The following TMC1 variants were observed in gnomAD, a reference collection of about 807,000 sequenced individuals.
The protein encoded by TMC1 is transmembrane channel-like protein 1.
In TMC1, 84 loss-of-function variants were observed where a neutral mutation model predicts 105.8. The ratio of observed to expected loss-of-function variants is 0.79; its 90% CI spans 0.67 to 0.95. The LOEUF is 0.95. TMC1 is among the 40% of genes least tolerant of loss of function. TMC1 has a pLI of 0.00. For synonymous variants in TMC1, 315 were observed against 311.5 expected, an observed-to-expected ratio of 1.01 and a Z score of -0.12; for missense variants, 817 against 914.1, an observed-to-expected ratio of 0.89 and a Z score of 1.37.
At chr9:72,607,326 A>G (rs1824938849) in intron 2 of TMC1, among the ~76,000 whole-genome samples, 1 of 152,162 alleles carries the variant, frequency 6.6e-6, no homozygotes, top group Non-Finnish European at 1.5e-5. Context: ...GCTTAGAACT[A>G]ATGAAGATTA....
At chr9:72,775,484 C>T (rs895853263) in intron 13 of TMC1, among the ~76,000 whole-genome samples, 13 of 152,100 alleles carry the variant, frequency 8.5e-5, no homozygotes, top group Non-Finnish European at 1.5e-4. Flanking sequence ...CAACTGTTCC[C>T]GTTAAAAACA....
At chr9:72,769,788 C>G (rs1191906501) in intron 12 of TMC1, among the ~76,000 whole-genome samples, 1 of 152,052 alleles carries the variant, frequency 6.6e-6, no homozygotes, top group Non-Finnish European at 1.5e-5. Context: ...ACATCTGTGG[C>G]AAGGAAATAG....
intron 4 of TMC1, among the ~76,000 whole-genome samples, chr9:72,635,108 C>T (rs933495028): frequency 2.2e-4 from 33 of 152,148 alleles, no homozygotes; most frequent in Admixed American, 7.9e-4. Context: ...AAGAGATTAG[C>T]CAGGTGTGGT....
chr9:72,803,704 A>G (rs1828519778), intron 17 of TMC1, among the ~76,000 whole-genome samples: 1 of 152,234 alleles, frequency 6.6e-6, no homozygotes, highest in East Asian at 1.9e-4. Flanking sequence ...ACCAGTCAGA[A>G]TGGTGATTAT....
At chr9:72,797,468 A>G (rs1828390848) in intron 17 of TMC1, among the ~76,000 whole-genome samples, 1 of 152,236 alleles carries the variant, frequency 6.6e-6, no homozygotes, top group Non-Finnish European at 1.5e-5. Flanking sequence ...ACTTCAAACT[A>G]TACTACAGGG....
At chr9:72,804,916 T>C (rs2118237183) in intron 17 of TMC1, among the ~76,000 whole-genome samples, 1 of 152,366 alleles carries the variant, frequency 6.6e-6, no homozygotes, top group East Asian at 1.9e-4. Context: ...GAATTTTTAA[T>C]TTGTGACTTT....
intron 23 of TMC1, among the ~76,000 whole-genome samples, chr9:72,835,682 A>G (rs1829110750): frequency 6.6e-6 from 1 of 152,166 alleles, no homozygotes; most frequent in Non-Finnish European, 1.5e-5. Flanking sequence ...ATAAGCAATA[A>G]TGTATAAATG....
chr9:72,610,064 AC>A (rs1180822424), intron 2 of TMC1, among the ~76,000 whole-genome samples: 17 of 152,204 alleles, frequency 1.1e-4, no homozygotes, highest in African/African-American at 4.1e-4. Flanking sequence ...CATACCTAGC[AC>A]AATACCTACC....
chr9:72,814,811 C>A (rs1003626333), intron 18 of TMC1, among the ~76,000 whole-genome samples: 1 of 151,658 alleles, frequency 6.6e-6, no homozygotes, highest in African/African-American at 2.4e-5. Flanking sequence ...GTTGGAGTTC[C>A]AAATCAGGAA....
intron 23 of TMC1, among the ~76,000 whole-genome samples, chr9:72,834,812 A>C (rs1564586491): frequency 6.6e-6 from 1 of 151,828 alleles, no homozygotes; most frequent in Non-Finnish European, 1.5e-5. Context: ...CCGATCTCAG[A>C]CTCTAACTGC....
chr9:72,539,251 A>G (rs1187830994), intron 1 of TMC1, among the ~76,000 whole-genome samples: 1 of 151,822 alleles, frequency 6.6e-6, no homozygotes, highest in Non-Finnish European at 1.5e-5. Context: ...ACAACAAAAA[A>G]ACAAATCAGC....
intron 4 of TMC1, among the ~76,000 whole-genome samples, chr9:72,638,148 C>CT (rs1333483692): frequency 6.6e-6 from 1 of 152,144 alleles, no homozygotes; most frequent in Non-Finnish European, 1.5e-5. Context: ...GAAACATATA[C>CT]TTTCTCTCCT....
intron 18 of TMC1, among the ~76,000 whole-genome samples, chr9:72,806,001 C>T (rs1254937835): frequency 6.6e-6 from 1 of 152,068 alleles, no homozygotes; most frequent in East Asian, 1.9e-4. Context: ...ACCTTTCCCG[C>T]CTTTCTATTC....
intron 2 of TMC1, among the ~76,000 whole-genome samples, chr9:72,596,851 A>T (rs967589326): frequency 6.6e-6 from 1 of 152,200 alleles, no homozygotes; most frequent in Non-Finnish European, 1.5e-5. Flanking sequence ...AGGGAAAAAG[A>T]ACAAAGAAAA....
intron 5 of TMC1, among the ~76,000 whole-genome samples, chr9:72,675,861 A>G (rs570137098): frequency 1.5e-4 from 23 of 152,300 alleles, no homozygotes; most frequent in African/African-American, 5.5e-4. Context: ...AAGGAAAGGA[A>G]TTCTGAAGCT....
intron 3 of TMC1, among the ~76,000 whole-genome samples, chr9:72,617,161 TTTTA>T: frequency 6.6e-6 from 1 of 152,158 alleles, no homozygotes; most frequent in East Asian, 1.9e-4. Flanking sequence ...CTCTTTTTAT[TTTTA>T]TTTATTTATT....
At position 72,792,290 on chromosome 9, in the gene TMC1, C is replaced by T. The variant is rs774660132; in HGVS notation, c.1504C>T (p.Pro502Ser). Residue 502 changes from proline (P) to serine (S), a missense_variant, in exon 17 of 24, where the codon CCC (proline) becomes TCC (serine). Physicochemically the swap from Pro to Ser is moderately conservative, Grantham distance 74 (BLOSUM62 -1). Coordinates refer to ENST00000297784, the MANE Select transcript of TMC1 (RefSeq NM_138691.3). ...ATTCTCTGAAAATAGCACTGGACCACCCTTTTTTGTTCACCCTGCAGATGT... is the reference window on the plus strand; with the variant it reads ...ATTCTCTGAAAATAGCACTGGACCATCCTTTTTTGTTCACCCTGCAGATGT... ...ASFSENSTGP[P>S]FFVHPADVPR... 1 of 1,614,138 alleles carries T rather than the reference C, an allele frequency of 6.2e-7. No homozygotes were observed.
At chr9:72,642,985 A>G (rs950695958) in intron 4 of TMC1, among the ~76,000 whole-genome samples, 5 of 152,204 alleles carry the variant, frequency 3.3e-5, no homozygotes, top group African/African-American at 1.2e-4. Context: ...ATGGAACACT[A>G]CTGTATGTAG....
intron 1 of TMC1, among the ~76,000 whole-genome samples, chr9:72,550,724 G>T (rs1823848434): frequency 6.7e-6 from 1 of 148,814 alleles, no homozygotes; most frequent in South Asian, 2.1e-4. Context: ...GGGGTAAAAA[G>T]GCTGGTGGGT....
Sources: gnomAD v4.1 joint callset for allele counts (sites outside exome capture counted in the v4.1 genomes callset) on GRCh38, gnomAD v4.1.1 for gene constraint, MANE v1.5 for transcripts, NCBI Gene and HGNC (gene_info 2026-07-23, HGNC 2026-07-21) for gene names.